Variants in TPH2 observed in about 807,000 individuals in gnomAD.
The protein encoded by TPH2 is tryptophan 5-hydroxylase 2.
TPH2 carries 27 observed loss-of-function variants against 59.1 expected under a neutral mutation model. The ratio of observed to expected loss-of-function variants is 0.46; its 90% CI spans 0.34 to 0.63. TPH2 has a LOEUF of 0.63. Among genes scored for constraint, TPH2 ranks in the 30% least tolerant of loss-of-function variants. TPH2 has a pLI of 0.01. For synonymous variants in TPH2, 220 were observed against 210.5 expected, an observed-to-expected ratio of 1.05 and a Z score of -0.39; for missense variants, 523 against 588.3, an observed-to-expected ratio of 0.89 and a Z score of 1.15.
intron 9 of TPH2, among the ~76,000 whole-genome samples, chr12:72,024,634 A>G (rs1282482135): frequency 1.3e-5 from 2 of 152,194 alleles, no homozygotes; most frequent in African/African-American, 4.8e-5. Flanking sequence ...CATCCTCCTC[A>G]GACGGTTTAT....
intron 5 of TPH2, among the ~76,000 whole-genome samples, chr12:71,954,113 CTA>C (rs1871428602): frequency 6.6e-6 from 1 of 152,092 alleles, no homozygotes; most frequent in Non-Finnish European, 1.5e-5. Context: ...AAATTCCACT[CTA>C]TGATGAAAAA....
At chr12:72,015,315 GTTTT>G (rs869231666) in intron 8 of TPH2, among the ~76,000 whole-genome samples, 2 of 98,974 alleles carry the variant, frequency 2.0e-5, no homozygotes, top group Admixed American at 2.2e-4. Context: ...TTTTTTGGTT[GTTTT>G]TTTTTTTTTT....
At chr12:71,962,323 A>G (rs539494511) in intron 5 of TPH2, 2 of 985,372 alleles carry the variant, frequency 2.0e-6, no homozygotes, top group Non-Finnish European at 2.4e-6. Flanking sequence ...TTCATTCATT[A>G]CAATGTTCAG....
At chr12:71,976,950 A>C (rs1872136087) in intron 6 of TPH2, among the ~76,000 whole-genome samples, 1 of 152,234 alleles carries the variant, frequency 6.6e-6, no homozygotes, top group Non-Finnish European at 1.5e-5. Context: ...CGAAGAATAG[A>C]ACAGTGGTTA....
chr12:72,005,997 C>T (rs557469513), intron 8 of TPH2, among the ~76,000 whole-genome samples: 2 of 152,174 alleles, frequency 1.3e-5, no homozygotes, highest in South Asian at 2.1e-4. Context: ...TGCACTTGGT[C>T]GCAGATACTC....
intron 8 of TPH2, among the ~76,000 whole-genome samples, chr12:72,015,432 G>A (rs1260151636): frequency 6.9e-6 from 1 of 145,864 alleles, no homozygotes; most frequent in Non-Finnish European, 1.5e-5. Context: ...CCATTCTCCT[G>A]TCTCAGCCTC....
chr12:72,027,698 G>A (rs948113880), intron 9 of TPH2, among the ~76,000 whole-genome samples: 3 of 152,140 alleles, frequency 2.0e-5, no homozygotes, highest in Admixed American at 6.6e-5. Flanking sequence ...AAGCTGGAAT[G>A]GCAAATAAGT....
intron 4 of TPH2, among the ~76,000 whole-genome samples, chr12:71,944,991 T>A (rs1335180605): frequency 1.3e-5 from 2 of 152,198 alleles, no homozygotes; most frequent in African/African-American, 4.8e-5. Context: ...CAGATGGTGA[T>A]CCTTGGAAAA....
chr12:71,992,628 C>T (rs537734326), intron 7 of TPH2, among the ~76,000 whole-genome samples: 1 of 151,910 alleles, frequency 6.6e-6, no homozygotes, highest in Non-Finnish European at 1.5e-5. Flanking sequence ...CTGTCTTTGC[C>T]AAAAGTGTGG....
At chr12:71,959,211 G>A (rs1566122566) in intron 5 of TPH2, among the ~76,000 whole-genome samples, 1 of 152,120 alleles carries the variant, frequency 6.6e-6, no homozygotes, top group Non-Finnish European at 1.5e-5. Flanking sequence ...GATGTACCTT[G>A]GAATGAACAT....
At chr12:72,022,268 T>A (rs1264946734) in intron 8 of TPH2, 131 bp from the exon 9 acceptor site, 2 of 708,742 alleles carry the variant, frequency 2.8e-6, no homozygotes, top group Non-Finnish European at 5.1e-6. Context: ...TAAATGTTCT[T>A]GATTTAAATG....
intron 5 of TPH2, among the ~76,000 whole-genome samples, chr12:71,954,455 C>T: frequency 6.6e-6 from 1 of 152,152 alleles, no homozygotes; most frequent in Middle Eastern, 3.2e-3. Flanking sequence ...CATGCCTCTC[C>T]TCCCCCGCCC....
At chr12:72,020,663 T>G (rs1344003393) in intron 8 of TPH2, among the ~76,000 whole-genome samples, 1 of 152,020 alleles carries the variant, frequency 6.6e-6, no homozygotes, top group East Asian at 1.9e-4. Flanking sequence ...ATTTTTGTAT[T>G]TTTAGTAGAG....
intron 7 of TPH2, among the ~76,000 whole-genome samples, chr12:71,987,483 A>C (rs977345687): frequency 6.6e-6 from 1 of 152,224 alleles, no homozygotes; most frequent in Admixed American, 6.5e-5. Flanking sequence ...ATACAATTTA[A>C]TATAATAAGT....
chr12:71,977,086 C>T (rs1346702727), intron 6 of TPH2, among the ~76,000 whole-genome samples: 3 of 152,134 alleles, frequency 2.0e-5, no homozygotes, highest in Non-Finnish European at 2.9e-5. Context: ...GAGTCTTGCT[C>T]TGTTGCCCAA....
intron 4 of TPH2, among the ~76,000 whole-genome samples, chr12:71,947,321 C>T (rs1871223524): frequency 6.6e-6 from 1 of 151,906 alleles, no homozygotes; most frequent in Non-Finnish European, 1.5e-5. Flanking sequence ...CACTGTTGAC[C>T]TATTTGGGGT....
At chr12:71,942,108 T>G (rs1434816652) in intron 2 of TPH2, among the ~76,000 whole-genome samples, 4 of 152,166 alleles carry the variant, frequency 2.6e-5, no homozygotes, top group Admixed American at 2.6e-4. Context: ...TTTACACATG[T>G]CCTAGGAGCA....
chr12:72,012,620 G>C (rs1873128794), intron 8 of TPH2, among the ~76,000 whole-genome samples: 1 of 152,142 alleles, frequency 6.6e-6, no homozygotes, highest in African/African-American at 2.4e-5. Context: ...TTTGTCATTG[G>C]GCTACCAGAT....
chr12:72,017,876 T>C (rs1374395337), intron 8 of TPH2, among the ~76,000 whole-genome samples: 1 of 152,210 alleles, frequency 6.6e-6, no homozygotes, highest in Non-Finnish European at 1.5e-5. Flanking sequence ...AACCAGACTG[T>C]AGCAATCAAT....
Sources: allele counts gnomAD v4.1 joint callset (sites outside exome capture counted in the v4.1 genomes callset), GRCh38; gene constraint gnomAD v4.1.1; transcripts MANE v1.5; gene names NCBI Gene and HGNC (gene_info 2026-07-23, HGNC 2026-07-21).